ADGRD1: variants seen among roughly 807,000 people sequenced by gnomAD.
The protein encoded by ADGRD1 is adhesion G protein-coupled receptor D1, also known as G-protein coupled receptor 133.
In ADGRD1, 77 loss-of-function variants were observed where a neutral mutation model predicts 113.4. That is an observed-to-expected ratio of 0.68 (90% CI 0.57 to 0.82). The LOEUF (loss-of-function observed/expected upper bound fraction) is 0.82, where lower values mean the gene tolerates loss of function less well. Ranked by LOEUF, ADGRD1 falls within the 40% of genes least tolerant of loss-of-function variation. The pLI, the probability that ADGRD1 is intolerant of heterozygous loss-of-function variation, is 0.00. For synonymous variants in ADGRD1, 474 were observed against 475.0 expected, an observed-to-expected ratio of 1.00 and a Z score of 0.03; for missense variants, 1,036 against 1,139.1, an observed-to-expected ratio of 0.91 and a Z score of 1.30.
intron 13 of ADGRD1, among the ~76,000 whole-genome samples, chr12:131,065,216 G>C (rs1360106776): frequency 6.6e-6 from 1 of 152,208 alleles, no homozygotes; most frequent in Admixed American, 6.5e-5. Flanking sequence ...TCTGTACCAG[G>C]TGAGTGGCTC....
chr12:131,123,468 C>T (rs187596837), intron 20 of ADGRD1, among the ~76,000 whole-genome samples: 21 of 152,108 alleles, frequency 1.4e-4, no homozygotes, highest in Admixed American at 1.2e-3. Flanking sequence ...CCTCTTGGGA[C>T]ATTGGTAGCA....
intron 20 of ADGRD1, among the ~76,000 whole-genome samples, chr12:131,129,269 G>C (rs1163005018): frequency 3.1e-5 from 4 of 130,830 alleles, no homozygotes; most frequent in South Asian, 2.7e-4. Flanking sequence ...TGAGTGACAG[G>C]CCGGCCCTCC....
At chr12:131,097,472 T>G (rs1001018535) in intron 15 of ADGRD1, among the ~76,000 whole-genome samples, 2 of 152,200 alleles carry the variant, frequency 1.3e-5, no homozygotes, top group Non-Finnish European at 2.9e-5. Context: ...GTCGGTTCAT[T>G]TCCATCAGTG....
chr12:131,017,602 A>G (rs1878757580), intron 13 of ADGRD1, among the ~76,000 whole-genome samples: 1 of 150,240 alleles, frequency 6.7e-6, no homozygotes, highest in South Asian at 2.1e-4. Context: ...CTCCCAGCAC[A>G]GACACACCCA....
At chr12:131,045,972 C>T (rs921829468) in intron 13 of ADGRD1, among the ~76,000 whole-genome samples, 3 of 151,796 alleles carry the variant, frequency 2.0e-5, no homozygotes, top group Non-Finnish European at 2.9e-5. Flanking sequence ...TCAGTGTCCT[C>T]CCTGGGGAGT....
intron 13 of ADGRD1, among the ~76,000 whole-genome samples, chr12:131,036,917 A>G (rs1250071934): frequency 6.9e-6 from 1 of 144,244 alleles, no homozygotes; most frequent in Non-Finnish European, 1.5e-5. Context: ...AGCCTCACTC[A>G]CTACACCAGG....
intron 20 of ADGRD1, among the ~76,000 whole-genome samples, chr12:131,122,505 C>T (rs1390863643): frequency 6.6e-6 from 1 of 152,164 alleles, no homozygotes; most frequent in African/African-American, 2.4e-5. Flanking sequence ...TCCCCGCGCT[C>T]TCTGGGGGTC....
chr12:131,004,392 G>GCTGCGGAGCTCCCCCGGGCCGC, intron 11 of ADGRD1, 96 bp downstream of exon 11: 2 of 790,718 alleles, frequency 2.5e-6, no homozygotes, highest in Non-Finnish European at 4.2e-6. Flanking sequence ...GCGCCAGGGA[G>GCTGCGGAGCTCCCCCGGGCCGC]CTGCGGTGCT....
intron 8 of ADGRD1, 139 bp from the exon 9 acceptor site, chr12:131,000,244 G>C: frequency 1.5e-6 from 1 of 678,916 alleles, no homozygotes. Flanking sequence ...CCATGACTCA[G>C]CTATTTTTGT....
intron 4 of ADGRD1, 64 bp from the exon 5 acceptor site, chr12:130,981,820 A>G (rs1034614316): frequency 5.7e-6 from 6 of 1,061,366 alleles, no homozygotes; most frequent in Non-Finnish European, 7.1e-6. Context: ...AAAGAGAACC[A>G]TGTGCTTGCG....
At chr12:131,048,146 T>C (rs1302084555) in intron 13 of ADGRD1, among the ~76,000 whole-genome samples, 1 of 152,216 alleles carries the variant, frequency 6.6e-6, no homozygotes, top group Non-Finnish European at 1.5e-5. Context: ...CACAGAGCTC[T>C]CTCTGGCCCT....
chr12:130,965,760 G>A lies in ADGRD1; in HGVS notation c.104-703G>A, dbSNP rs573595069. 2.6e-5 allele frequency among the ~76,000 whole-genome samples: 4 copies of A among 152,310 alleles called. No homozygotes were observed. The South Asian group carries it at 8.3e-4, about 32-fold the overall frequency. ...ATAGAAAATAACATACCTGCATAAAGTTATGTTTACTCAAAGTATAAGGAT... is the reference window on the plus strand; with the variant it reads ...ATAGAAAATAACATACCTGCATAAAATTATGTTTACTCAAAGTATAAGGAT... On this transcript the variant is annotated intron_variant, in intron 2 of 24. Coordinates refer to ENST00000261654, the MANE Select transcript of ADGRD1 (RefSeq NM_198827.5). The surrounding 1 kb of genome is among the most constrained non-coding windows in gnomAD (Gnocchi z 4.8).
At chr12:131,135,765 T>C (rs1209494835) in intron 21 of ADGRD1, among the ~76,000 whole-genome samples, 1 of 152,190 alleles carries the variant, frequency 6.6e-6, no homozygotes, top group Non-Finnish European at 1.5e-5. Flanking sequence ...CTGGACAGAT[T>C]CTCCCTATGG....
At chr12:131,115,299 T>C (rs1393899589) in intron 18 of ADGRD1, among the ~76,000 whole-genome samples, 1 of 152,112 alleles carries the variant, frequency 6.6e-6, no homozygotes, top group African/African-American at 2.4e-5. Context: ...GCACTGGAAA[T>C]CATGTGCTCA....
chr12:131,034,218 G>A (rs1021818345), intron 13 of ADGRD1, among the ~76,000 whole-genome samples: 2 of 152,100 alleles, frequency 1.3e-5, no homozygotes, highest in African/African-American at 2.4e-5. Flanking sequence ...GCCACTCCCC[G>A]CCCATTCCAC....
In ADGRD1 at chr12:131,096,347, A is replaced by G. The variant is rs1255680476; in HGVS notation, c.1672-8484A>G. ...CTGCAGCCTTGACCTCCTGGGCTCC[A>G]GAGATCCTCCTACCTCAGCCTCCCA... On this transcript the variant is annotated intron_variant, in intron 15 of 24. Transcript: ENST00000261654. The surrounding 1 kb of genome is among the most constrained non-coding windows in gnomAD (Gnocchi z 5.2). Among the ~76,000 whole-genome samples, 1 of 152,220 alleles carries G rather than the reference A, an allele frequency of 6.6e-6. No individual in the cohort carries two copies. The highest frequency in any genetic ancestry group is 2.4e-5 in the African/African-American group (1 of 41,456).
At chr12:130,957,764 G>C (rs1869829798) in intron 2 of ADGRD1, 1 of 152,244 alleles carries the variant, frequency 6.6e-6, no homozygotes, top group South Asian at 2.1e-4. Context: ...CAGTAGAAAG[G>C]GACGGAAGGG....
Position 130,954,500 on chromosome 12 carries a change from C to G in ADGRD1, c.35C>G (p.Ser12Cys). The part of the protein sequence containing the change: ...EKLLRLCCWY[S>C]WLLLFYYNFQ... ...CTGCTGCGGCTGTGCTGCTGGTACTCCTGGCTGCTGCTATTTTATTACAAC... is the reference window on the plus strand; with the variant it reads ...CTGCTGCGGCTGTGCTGCTGGTACTGCTGGCTGCTGCTATTTTATTACAAC... The change falls in exon 1 of 25, where the codon TCC (serine) becomes TGC (cysteine). Residue 12 changes from serine to cysteine, a missense_variant. Physicochemically the swap from Ser to Cys is moderately radical, Grantham distance 112. Transcript: ENST00000261654. The surrounding 1 kb of genome is among the most constrained non-coding windows in gnomAD (Gnocchi z 4.7). 5.0e-6 allele frequency: 8 copies of G among 1,591,400 alleles called. No individual in the cohort carries two copies. Among genetic ancestry groups the G allele is most frequent in the Non-Finnish European group, 6.9e-6 (8 of 1,167,282 alleles).
At position 131,022,613 on chromosome 12, in the gene ADGRD1, G is replaced by C. The variant is rs983844929; in HGVS notation, c.1473+8273G>C. 6.6e-6 allele frequency among the ~76,000 whole-genome samples: 1 copy of C among 152,122 alleles called. No individual in the cohort carries two copies. Among genetic ancestry groups the C allele is most frequent in the Non-Finnish European group, 1.5e-5 (1 of 68,016 alleles). On this transcript the variant is annotated intron_variant, in intron 13 of 24. Coordinates refer to ENST00000261654, the MANE Select transcript of ADGRD1 (RefSeq NM_198827.5). The surrounding 1 kb of genome is among the most constrained non-coding windows in gnomAD (Gnocchi z 4.6). ...TCCCGTTGTCGCGGCCGTGACCGTCGGGAGCTCTGTCCAGTTGGTTTCTGC... is the reference window on the plus strand; with the variant it reads ...TCCCGTTGTCGCGGCCGTGACCGTCCGGAGCTCTGTCCAGTTGGTTTCTGC...
Sources: allele counts gnomAD v4.1 joint callset (sites outside exome capture counted in the v4.1 genomes callset), GRCh38; gene constraint gnomAD v4.1.1; non-coding constraint Gnocchi (gnomAD v3.1); transcripts MANE v1.5; gene names NCBI Gene and HGNC (gene_info 2026-07-23, HGNC 2026-07-21).